The following L3MBTL4 variants were observed in gnomAD, a reference collection of about 807,000 sequenced individuals.
The protein encoded by L3MBTL4 is lethal(3)malignant brain tumor-like protein 4.
In L3MBTL4, 70 loss-of-function variants were observed where a neutral mutation model predicts 84.5. The observed-to-expected ratio is 0.83, with a 90% CI of 0.68 to 1.01. The LOEUF (loss-of-function observed/expected upper bound fraction) is 1.01. Ranked by LOEUF, L3MBTL4 falls within the 50% of genes least tolerant of loss-of-function variation. L3MBTL4 has a pLI of 0.00. For synonymous variants in L3MBTL4, 274 were observed against 259.8 expected, an observed-to-expected ratio of 1.05 and a Z score of -0.52; for missense variants, 715 against 754.8, an observed-to-expected ratio of 0.95 and a Z score of 0.62.
At chr18:6,388,344 T>C (rs1599872436) in intron 1 of L3MBTL4, among the ~76,000 whole-genome samples, 2 of 152,202 alleles carry the variant, frequency 1.3e-5, no homozygotes, top group East Asian at 1.9e-4. Context: ...GAATAAAACA[T>C]GTCCCTGGAT....
intron 1 of L3MBTL4, among the ~76,000 whole-genome samples, chr18:6,316,326 A>T (rs1172313865): frequency 6.6e-6 from 1 of 152,068 alleles, no homozygotes; most frequent in African/African-American, 2.4e-5. Context: ...AGGGACACCA[A>T]CTCCTAGGGG....
intron 1 of L3MBTL4, among the ~76,000 whole-genome samples, chr18:6,368,403 G>T (rs2054019791): frequency 6.6e-6 from 1 of 152,116 alleles, no homozygotes; most frequent in Non-Finnish European, 1.5e-5. Context: ...ACTACCCATT[G>T]GATTATCTAC....
At chr18:6,310,479 C>A (rs1247204891) in intron 3 of L3MBTL4, among the ~76,000 whole-genome samples, 1 of 152,206 alleles carries the variant, frequency 6.6e-6, no homozygotes, top group East Asian at 1.9e-4. Flanking sequence ...CCAGATCATT[C>A]TTTGAGATGT....
At chr18:6,129,232 G>A (rs1396400580) in intron 14 of L3MBTL4, among the ~76,000 whole-genome samples, 1 of 152,290 alleles carries the variant, frequency 6.6e-6, no homozygotes, top group Non-Finnish European at 1.5e-5. Flanking sequence ...GGTGTCTTAA[G>A]TCTCAGAATA....
intron 16 of L3MBTL4, among the ~76,000 whole-genome samples, chr18:6,021,397 A>C (rs117938228): frequency 0.037 from 5,655 of 152,328 alleles, 120 homozygotes; most frequent in Middle Eastern, 0.061. Flanking sequence ...GAAGGGTAGC[A>C]TAAAGCTTGG....
intron 13 of L3MBTL4, among the ~76,000 whole-genome samples, chr18:6,144,802 T>C (rs9966575): frequency 0.026 from 3,914 of 152,268 alleles, 164 homozygotes; most frequent in African/African-American, 0.089. Flanking sequence ...GCTGCTTTGC[T>C]CATTTCCCCC....
chr18:6,204,221 A>G lies in L3MBTL4; in HGVS notation c.981+8928T>C, dbSNP rs116033216. On this transcript the variant is annotated intron_variant, in intron 12 of 18. Coordinates refer to ENST00000317931, the MANE Select transcript of L3MBTL4 (RefSeq NM_001330559.2). Reference sequence around the variant, plus strand: ...TTCCCCATGAATATGGCCTGGTCCTATTGTTTCCATGGCCTAGCACTGGCC... The same window carrying G: ...TTCCCCATGAATATGGCCTGGTCCTGTTGTTTCCATGGCCTAGCACTGGCC... 2.6e-3 allele frequency among the ~76,000 whole-genome samples: 402 copies of G among 152,322 alleles called. 2 individuals carry two copies. Among genetic ancestry groups the G allele is most frequent in the African/African-American group, 9.2e-3 (384 of 41,560 alleles).
chr18:6,038,998 T>C (rs903236101), intron 16 of L3MBTL4, among the ~76,000 whole-genome samples: 3 of 151,952 alleles, frequency 2.0e-5, no homozygotes, highest in African/African-American at 7.2e-5. Flanking sequence ...ACTCTCTCTC[T>C]TTCTTTCTCT....
intron 1 of L3MBTL4, among the ~76,000 whole-genome samples, chr18:6,380,513 T>C (rs1016693693): frequency 7.2e-5 from 11 of 152,196 alleles, no homozygotes; most frequent in Non-Finnish European, 1.2e-4. Flanking sequence ...TCTGGTACAT[T>C]GTGTTGTTGT....
chr18:6,326,842 T>C (rs1415390933), intron 1 of L3MBTL4: 1 of 152,218 alleles, frequency 6.6e-6, no homozygotes, highest in Non-Finnish European at 1.5e-5. Flanking sequence ...AATATTAATT[T>C]CTTCTTACTA....
chr18:6,030,296 T>G, intron 16 of L3MBTL4: 1 of 985,330 alleles, frequency 1.0e-6, no homozygotes, highest in African/African-American at 1.7e-5. Flanking sequence ...AATGCACAAA[T>G]CAATAATATG....
chr18:6,056,162 A>C (rs2057015523), intron 16 of L3MBTL4, among the ~76,000 whole-genome samples: 3 of 152,106 alleles, frequency 2.0e-5, no homozygotes, highest in Admixed American at 6.5e-5. Flanking sequence ...TGTCATTTCC[A>C]AGAAGAAATT....
chr18:6,356,869 T>C (rs376946266), intron 1 of L3MBTL4: 65 of 152,334 alleles, frequency 4.3e-4, no homozygotes, highest in African/African-American at 1.5e-3. Flanking sequence ...CTTAGCTTAC[T>C]ATAAGTTTTT....
At chr18:6,038,595 A>T (rs549251161) in intron 16 of L3MBTL4, among the ~76,000 whole-genome samples, 19 of 152,234 alleles carry the variant, frequency 1.2e-4, no homozygotes, top group African/African-American at 4.6e-4. Flanking sequence ...TGGTGATCCT[A>T]GTAAAAGACA....
At chr18:5,973,437 T>A (rs1412615968) in intron 16 of L3MBTL4, among the ~76,000 whole-genome samples, 1 of 152,232 alleles carries the variant, frequency 6.6e-6, no homozygotes, top group Non-Finnish European at 1.5e-5. Flanking sequence ...GTTAGGGTGA[T>A]TTGCATTATT....
chr18:6,225,215 C>T (rs2046728574), intron 10 of L3MBTL4, among the ~76,000 whole-genome samples: 1 of 152,202 alleles, frequency 6.6e-6, no homozygotes, highest in South Asian at 2.1e-4. Flanking sequence ...GATAGAGAAA[C>T]TCAAAGTATT....
At chr18:6,029,728 T>G (rs1264836661) in intron 16 of L3MBTL4, 11 of 985,080 alleles carry the variant, frequency 1.1e-5, no homozygotes, top group Non-Finnish European at 1.2e-5. Context: ...AATCATAAAT[T>G]TATTGCAATC....
intron 16 of L3MBTL4, among the ~76,000 whole-genome samples, chr18:5,972,131 G>A (rs948052209): frequency 1.3e-5 from 2 of 152,118 alleles, no homozygotes; most frequent in Non-Finnish European, 2.9e-5. Flanking sequence ...CCCCTACCTG[G>A]GGTTCAGAGT....
At chr18:5,971,566 C>T (rs1386851967) in intron 16 of L3MBTL4, among the ~76,000 whole-genome samples, 1 of 152,102 alleles carries the variant, frequency 6.6e-6, no homozygotes, top group Non-Finnish European at 1.5e-5. Context: ...ACAAATATGT[C>T]AAGTGATGGT....
Sources: gnomAD v4.1 joint callset for allele counts (sites outside exome capture counted in the v4.1 genomes callset) on GRCh38, gnomAD v4.1.1 for gene constraint, MANE v1.5 for transcripts, NCBI Gene and HGNC (gene_info 2026-07-23, HGNC 2026-07-21) for gene names.